The following VCAN variants were observed in gnomAD, a reference collection of about 807,000 sequenced individuals.
VCAN encodes versican core protein.
In VCAN, 44 loss-of-function variants were observed where a neutral mutation model predicts 245.5. The ratio of observed to expected loss-of-function variants is 0.18; its 90% CI spans 0.14 to 0.23. The LOEUF is 0.23. VCAN is among the 10% of genes least tolerant of loss of function. The probability of loss-of-function intolerance (pLI) is 1.00; values close to 1 mark genes in which losing one functional copy is unlikely to be tolerated. For synonymous variants in VCAN, 1,413 were observed against 1,437.0 expected (o/e 0.98, Z 0.38); for missense variants, 3,793 against 4,057.9 (o/e 0.93, Z 1.77).
intron 10 of VCAN, among the ~76,000 whole-genome samples, chr5:83,550,887 C>CAAAAA (rs57081110): frequency 0.029 from 1,426 of 49,824 alleles, 159 homozygotes; most frequent in Non-Finnish European, 0.031. Context: ...GACTCCATCT[C>CAAAAA]AAAAAAAAAA....
At chr5:83,474,193 G>A (rs1046309745) in intron 1 of VCAN, among the ~76,000 whole-genome samples, 1 of 152,076 alleles carries the variant, frequency 6.6e-6, no homozygotes, top group African/African-American at 2.4e-5. Flanking sequence ...GGCGTCGGAC[G>A]GGAAAGTGGA....
rs143583158 is a variant in VCAN, at chr5:83,479,253, G to A, written c.-6-4260G>A. 5.9e-5 allele frequency among the ~76,000 whole-genome samples: 9 copies of A among 152,168 alleles called. No individual in the cohort carries two copies. The East Asian group carries it at 1.5e-3, about 26-fold the overall frequency. ...TAGCAGAATGGTGGACAAAACCACC[G>A]TGTCTCTGTCCTTAAGTCACCCCTT... is the stretch of plus-strand genomic sequence containing the variant. On this transcript the variant is annotated intron_variant, in intron 1 of 14. Transcript: ENST00000265077.
intron 5 of VCAN, among the ~76,000 whole-genome samples, chr5:83,495,560 AGAG>A (rs1745131826): frequency 1.3e-5 from 2 of 152,354 alleles, no homozygotes; most frequent in South Asian, 4.1e-4. Flanking sequence ...AAAAAATAGA[AGAG>A]GAGATGGTTG....
chr5:83,497,661 A>G (rs892402733), intron 5 of VCAN, among the ~76,000 whole-genome samples: 1 of 152,126 alleles, frequency 6.6e-6, no homozygotes, highest in Non-Finnish European at 1.5e-5. Flanking sequence ...AAGATCCACA[A>G]AATAATCCTT....
intron 2 of VCAN, among the ~76,000 whole-genome samples, chr5:83,489,749 C>A (rs1035657090): frequency 2.0e-5 from 3 of 152,014 alleles, no homozygotes; most frequent in Admixed American, 6.6e-5. Flanking sequence ...GTCCTTTAAA[C>A]CTGCCCTACG....
rs1748645605 is a variant in VCAN, at chr5:83,580,789, G to A, written c.*355G>A. ...GGCCATGTAAATAAGATGATTTAATGTTGATTTTAATCCTGTATATAAAAT... is the reference window on the plus strand; with the variant it reads ...GGCCATGTAAATAAGATGATTTAATATTGATTTTAATCCTGTATATAAAAT... On this transcript the variant is annotated 3_prime_UTR_variant, in exon 15 of 15. Transcript: ENST00000265077. 1 of 333,952 alleles carries A rather than the reference G, an allele frequency of 3.0e-6. No individual in the cohort carries two copies. Among genetic ancestry groups the A allele is most frequent in the South Asian group, 2.6e-5 (1 of 38,474 alleles). 20.7% of individuals were successfully genotyped at this position (333,952 alleles called of 1,614,324 possible). A position where few individuals can be genotyped will look rare whatever the true frequency, so the allele number is the denominator to read the frequency against.
Position 83,547,156 on chromosome 5 carries a change from A to G in VCAN, c.9380-815A>G, listed in dbSNP as rs527464488. On this transcript the variant is annotated intron_variant, in intron 9 of 14. Transcript: ENST00000265077. ...GAGACGTATTGGGAGACAGTACCAGAAGGCAGGTTGGGTCTAGAAAGCCCT... is the reference window on the plus strand; with the variant it reads ...GAGACGTATTGGGAGACAGTACCAGGAGGCAGGTTGGGTCTAGAAAGCCCT... Among the ~76,000 whole-genome samples, 3 of 152,284 alleles carry G rather than the reference A, an allele frequency of 2.0e-5. No homozygotes were observed. In the South Asian group the frequency reaches 6.2e-4, roughly 32 times the overall value.
rs1354558602 is a variant in VCAN, at chr5:83,541,495, T to G, written c.8492T>G (p.Ile2831Ser). The G allele has an allele frequency of 6.2e-7, 1 of 1,614,036 alleles. No homozygotes were observed. ...SSQTPSSPLT[I>S]YSGSEASGHT... ...CAGACACCATCATCTCCCCTCACTA[T>G]CTACTCAGGCAGTGAAGCCTCTGGA... The change falls in exon 8 of 15, where the codon ATC becomes AGC. Residue 2831 changes from isoleucine (I) to serine (S), a missense_variant. Transcript: ENST00000265077.
At chr5:83,489,352 A>G (rs898709022) in intron 2 of VCAN, among the ~76,000 whole-genome samples, 1 of 152,238 alleles carries the variant, frequency 6.6e-6, no homozygotes, top group African/African-American at 2.4e-5. Flanking sequence ...GTTAAACTGT[A>G]GTCAATATAT....
chr5:83,521,831 A>G lies in VCAN; in HGVS notation c.3525A>G (p.Leu1175=). ...AAACCACTACTGAGAAAACATCCCT[A>G]GAGGATATTGATTTAGGCTCAGGAT... ...MEETTTEKTS[L]EDIDLGSGLF... The change falls in exon 7 of 15, where the codon CTA becomes CTG. Residue 1175 remains leucine, a synonymous_variant. Transcript: ENST00000265077. 1.9e-6 allele frequency: 3 copies of G among 1,614,182 alleles called. No individual in the cohort carries two copies. The highest frequency in any genetic ancestry group is 1.7e-6 in the Non-Finnish European group (2 of 1,180,006).
At chr5:83,487,329 G>A (rs112149400) in intron 2 of VCAN, among the ~76,000 whole-genome samples, 2 of 152,280 alleles carry the variant, frequency 1.3e-5, no homozygotes, top group African/African-American at 4.8e-5. Context: ...GACAGAGAAT[G>A]AGGGGTAATT....
At chr5:83,549,627 G>C (rs902926693) in intron 10 of VCAN, among the ~76,000 whole-genome samples, 3 of 152,164 alleles carry the variant, frequency 2.0e-5, no homozygotes, top group African/African-American at 7.2e-5. Flanking sequence ...AGGGACTTTG[G>C]TGCCATTGAC....
intron 12 of VCAN, among the ~76,000 whole-genome samples, chr5:83,565,472 T>C (rs115416593): frequency 0.012 from 1,836 of 152,092 alleles, 14 homozygotes; most frequent in Non-Finnish European, 0.019. Context: ...CTCACAAAAA[T>C]ATGAACTTGA....
At chr5:83,498,146 G>A (rs1490731059) in intron 5 of VCAN, among the ~76,000 whole-genome samples, 1 of 152,026 alleles carries the variant, frequency 6.6e-6, no homozygotes, top group Non-Finnish European at 1.5e-5. Context: ...TTTTACACAA[G>A]CTTCCAGCAC....
intron 13 of VCAN, among the ~76,000 whole-genome samples, chr5:83,573,603 A>G (rs1218209349): frequency 1.3e-5 from 2 of 152,216 alleles, no homozygotes; most frequent in South Asian, 2.1e-4. Flanking sequence ...TTAGAGAAAC[A>G]TATAAAAACA....
At position 83,537,298 on chromosome 5, in the gene VCAN, G is replaced by C; in HGVS notation, c.4295G>C (p.Gly1432Ala). The C allele has an allele frequency of 6.2e-7, 1 of 1,613,950 alleles. No individual in the cohort carries two copies. Among genetic ancestry groups the C allele is most frequent in the Non-Finnish European group, 8.5e-7 (1 of 1,179,962 alleles). Residue 1432 changes from glycine to alanine, a missense_variant, in exon 8 of 15, where the codon GGC (glycine) becomes GCC (alanine). By Grantham distance (60) the Gly-to-Ala change is moderately conservative. This residue lies in a region of VCAN where 3,182 missense variants were observed against 3,250.3 expected (regional missense o/e 0.98). Transcript: ENST00000265077. ...KDPEAAEARR[G>A]QFESVAPSQN... The stretch of plus-strand genomic sequence containing the variant: ...CCAGAAGCTGCAGAAGCTAGGCGTG[G>C]CCAGTTTGAAAGTGTTGCACCTTCT...
chr5:83,528,989 TACACACAC>T (rs58804437), intron 7 of VCAN, among the ~76,000 whole-genome samples: 65 of 141,500 alleles, frequency 4.6e-4, no homozygotes, highest in South Asian at 1.4e-3. Flanking sequence ...GAAACAAAGA[TACACACAC>T]ACACACACAC....
intron 9 of VCAN, among the ~76,000 whole-genome samples, chr5:83,546,027 A>G (rs1226944819): frequency 6.6e-6 from 1 of 152,206 alleles, no homozygotes; most frequent in East Asian, 1.9e-4. Context: ...AATTAGGAAA[A>G]TAATAAAAGT....
chr5:83,514,563 G>T (rs1745783609), intron 6 of VCAN, among the ~76,000 whole-genome samples: 1 of 151,018 alleles, frequency 6.6e-6, no homozygotes, highest in Non-Finnish European at 1.5e-5. Context: ...TGATTCTCCT[G>T]CCTTCTCCTG....
Sources: allele counts gnomAD v4.1 joint callset (sites outside exome capture counted in the v4.1 genomes callset), GRCh38; gene constraint gnomAD v4.1.1; regional missense constraint gnomAD v4.1.1; transcripts MANE v1.5; gene names NCBI Gene and HGNC (gene_info 2026-07-23, HGNC 2026-07-21).